SRFBP1: variants seen among roughly 807,000 people sequenced by gnomAD.
The protein encoded by SRFBP1 is serum response factor binding protein 1, also known as serum response factor-binding protein 1.
Under a neutral mutation model 45.5 loss-of-function variants are expected in SRFBP1, and 47 were observed. That is an observed-to-expected ratio of 1.03 (90% CI 0.82 to 1.32). The LOEUF is 1.32. SRFBP1 is among the 40% of genes most tolerant of loss of function. The pLI is 0.00. For missense variants in SRFBP1, 621 were observed against 484.6 expected, an observed-to-expected ratio of 1.28 and a Z score of -2.64; for synonymous variants, 203 against 166.3, an observed-to-expected ratio of 1.22 and a Z score of -1.70.
At chr5:121,966,946 A>T (rs1299930621) in intron 1 of SRFBP1, among the ~76,000 whole-genome samples, 4 of 114,684 alleles carry the variant, frequency 3.5e-5, no homozygotes, top group East Asian at 2.6e-4. Flanking sequence ...CGCCCAGCTA[A>T]TTTTTTTTTT....
At chr5:122,053,030 G>T (rs1472541906) in intron 2 of SRFBP1, among the ~76,000 whole-genome samples, 1 of 151,980 alleles carries the variant, frequency 6.6e-6, no homozygotes, top group South Asian at 2.1e-4. Context: ...CCCTCCAATT[G>T]CTGTCTCCAT....
intron 4 of SRFBP1, among the ~76,000 whole-genome samples, chr5:122,002,756 ATTG>A (rs1752897431): frequency 6.6e-6 from 1 of 152,210 alleles, no homozygotes; most frequent in South Asian, 2.1e-4. Context: ...GATGTGAGAA[ATTG>A]TTGAATATTA....
At chr5:122,057,011 G>A (rs1015900708) in intron 2 of SRFBP1, among the ~76,000 whole-genome samples, 11 of 152,154 alleles carry the variant, frequency 7.2e-5, no homozygotes, top group Admixed American at 5.2e-4. Flanking sequence ...ACAGGAAATT[G>A]AGAAACCAAA....
At chr5:121,963,456 A>T (rs1751992976) in intron 1 of SRFBP1, among the ~76,000 whole-genome samples, 1 of 152,188 alleles carries the variant, frequency 6.6e-6, no homozygotes, top group African/African-American at 2.4e-5. Flanking sequence ...AACCCCAGGG[A>T]GCTTCATATC....
intron 3 of SRFBP1, among the ~76,000 whole-genome samples, chr5:121,994,191 T>C (rs1453811828): frequency 6.6e-6 from 1 of 152,052 alleles, no homozygotes; most frequent in Non-Finnish European, 1.5e-5. Flanking sequence ...ATTTGATGCA[T>C]AGTCATAAAT....
At chr5:121,975,017 A>G (rs1486264759) in intron 2 of SRFBP1, among the ~76,000 whole-genome samples, 3 of 151,928 alleles carry the variant, frequency 2.0e-5, no homozygotes, top group Admixed American at 2.0e-4. Flanking sequence ...ACAATGTACG[A>G]TTGATTGATT....
chr5:122,030,855 C>T (rs193250964), downstream of SRFBP1, among the ~76,000 whole-genome samples: 1 of 152,150 alleles, frequency 6.6e-6, no homozygotes, highest in African/African-American at 2.4e-5. Context: ...AGACCTTACA[C>T]ATAAATAGTT....
Position 122,055,480 on chromosome 5 carries a change from G to A in SRFBP1, n.312-19835G>A, listed in dbSNP as rs185703430. On this transcript the variant is annotated intron_variant and non_coding_transcript_variant, in intron 2 of 2. Transcript: ENST00000504881. ...AGGAGCTCAATCATTTGTAAATGTA[G>A]TTGTAAATAATACAGCAAACCAAAT... 2.8e-3 allele frequency among the ~76,000 whole-genome samples: 428 copies of A among 152,274 alleles called. 2 individuals carry two copies. The highest frequency in any genetic ancestry group is 9.7e-3 in the African/African-American group (404 of 41,568).
At chr5:122,048,725 C>T (rs1753911536) in intron 2 of SRFBP1, among the ~76,000 whole-genome samples, 1 of 152,106 alleles carries the variant, frequency 6.6e-6, no homozygotes, top group African/African-American at 2.4e-5. Context: ...ATTTCAGAGC[C>T]TGTTATTGGT....
At chr5:121,970,674 G>T (rs1752170212) in intron 1 of SRFBP1, among the ~76,000 whole-genome samples, 2 of 151,652 alleles carry the variant, frequency 1.3e-5, no homozygotes, top group Admixed American at 6.6e-5. Context: ...TGATTACTGT[G>T]CATTTTTAAA....
At chr5:121,990,436 T>TG (rs1752595707) in intron 3 of SRFBP1, among the ~76,000 whole-genome samples, 1 of 151,904 alleles carries the variant, frequency 6.6e-6, no homozygotes, top group African/African-American at 2.4e-5. Context: ...GCGGGTGGAG[T>TG]GGGGAGAAGT....
chr5:121,966,650 A>G (rs1752075393), intron 1 of SRFBP1, among the ~76,000 whole-genome samples: 1 of 152,242 alleles, frequency 6.6e-6, no homozygotes, highest in Non-Finnish European at 1.5e-5. Context: ...TCTGTTTTCT[A>G]AAATTTAGGC....
intron 4 of SRFBP1, among the ~76,000 whole-genome samples, chr5:122,014,707 A>G (rs1488391863): frequency 6.6e-6 from 1 of 152,244 alleles, no homozygotes; most frequent in Non-Finnish European, 1.5e-5. Context: ...CTTCCAGGGC[A>G]GAGAAACAGC....
intron 2 of SRFBP1, among the ~76,000 whole-genome samples, chr5:122,055,273 C>G (rs1381335397): frequency 1.3e-5 from 2 of 152,184 alleles, no homozygotes; most frequent in Non-Finnish European, 2.9e-5. Context: ...TTATCCCACT[C>G]ATGAGCACTC....
downstream of SRFBP1, chr5:122,076,965 T>G (rs1312701230): frequency 6.2e-7 from 1 of 1,613,576 alleles, no homozygotes; most frequent in Non-Finnish European, 8.5e-7. Flanking sequence ...CGTGGACGCC[T>G]GGATGTAGTA....
chr5:122,019,377 T>C (rs1401866430), intron 5 of SRFBP1, 36 bp downstream of exon 5: 1 of 1,530,866 alleles, frequency 6.5e-7, no homozygotes. Flanking sequence ...ATGTACTTAA[T>C]GTATTTGTAG....
At chr5:122,066,892 T>C (rs1471718175) in intron 2 of SRFBP1, 3 of 629,062 alleles carry the variant, frequency 4.8e-6, no homozygotes, top group South Asian at 1.9e-5. Context: ...TGTGAAATTA[T>C]GCAGTAGTAC....
rs529130729 is a variant in SRFBP1 at position 122,040,949 on chromosome 5, C to T, written n.311+18542C>T. Among the ~76,000 whole-genome samples the T allele has an allele frequency of 3.9e-5, 6 of 152,222 alleles. No individual in the cohort carries two copies. The East Asian group carries it at 1.2e-3, about 29-fold the overall frequency. On this transcript the variant is annotated intron_variant and non_coding_transcript_variant, in intron 2 of 2. Transcript: ENST00000504881. The stretch of plus-strand genomic sequence containing the variant: ...TTCTTCTATGACATTCATCACCTAA[C>T]ATATATAAGTTTATATAGTTTTCAG...
downstream of SRFBP1, among the ~76,000 whole-genome samples, chr5:122,032,185 T>C (rs6873753): frequency 0.011 from 1,610 of 152,256 alleles, 29 homozygotes; most frequent in African/African-American, 0.036. Flanking sequence ...CCCTCCTCCC[T>C]TCAGTATATG....
Sources: allele counts gnomAD v4.1 joint callset (sites outside exome capture counted in the v4.1 genomes callset), GRCh38; gene constraint gnomAD v4.1.1; transcripts MANE v1.5; gene names NCBI Gene and HGNC (gene_info 2026-07-23, HGNC 2026-07-21).